Variants in MAP7 observed in about 807,000 individuals in gnomAD.
MAP7 encodes ensconsin.
A neutral mutation model predicts 94.8 loss-of-function variants in MAP7; 52 were observed. The ratio of observed to expected loss-of-function variants is 0.55; its 90% CI spans 0.44 to 0.69. The LOEUF (loss-of-function observed/expected upper bound fraction) is 0.69. Ranked by LOEUF, MAP7 falls within the 30% of genes least tolerant of loss-of-function variation. The pLI is 0.00. For synonymous variants in MAP7, 350 were observed against 357.0 expected, an observed-to-expected ratio of 0.98 and a Z score of 0.22; for missense variants, 940 against 964.6, an observed-to-expected ratio of 0.97 and a Z score of 0.34.
At chr6:136,490,667 A>G (rs1388199013) in intron 1 of MAP7, among the ~76,000 whole-genome samples, 1 of 152,230 alleles carries the variant, frequency 6.6e-6, no homozygotes, top group Non-Finnish European at 1.5e-5. Context: ...AGCACATAGC[A>G]TGATCTTTCA....
At chr6:136,442,405 CA>C (rs549791806) in intron 1 of MAP7, among the ~76,000 whole-genome samples, 2,085 of 90,454 alleles carry the variant, frequency 0.023, 21 homozygotes, top group African/African-American at 0.041. Context: ...ACTCTGTCTC[CA>C]AAAAAAAAAA....
chr6:136,346,154 A>G, intron 16 of MAP7, 75 bp from the exon 17 acceptor site: 1 of 768,604 alleles, frequency 1.3e-6, no homozygotes, highest in East Asian at 2.7e-5. Flanking sequence ...GAAAACCAAA[A>G]TGTTTTATAA....
At chr6:136,373,220 C>T (rs921632079) in intron 7 of MAP7, among the ~76,000 whole-genome samples, 8 of 152,126 alleles carry the variant, frequency 5.3e-5, no homozygotes, top group African/African-American at 1.4e-4. Flanking sequence ...AGACTTGTCA[C>T]GAGGATAAGT....
At chr6:136,405,374 TAGG>T (rs1435263499) in intron 3 of MAP7, among the ~76,000 whole-genome samples, 1 of 152,112 alleles carries the variant, frequency 6.6e-6, no homozygotes, top group Non-Finnish European at 1.5e-5. Flanking sequence ...AGTAAGATGG[TAGG>T]AGAAGGCCTC....
At chr6:136,535,754 T>C (rs1331113203) in intron 1 of MAP7, among the ~76,000 whole-genome samples, 1 of 152,056 alleles carries the variant, frequency 6.6e-6, no homozygotes, top group Non-Finnish European at 1.5e-5. Flanking sequence ...TTTCTTTTTT[T>C]TTTAAATTAT....
chr6:136,413,013 T>C (rs1787980003), intron 2 of MAP7, among the ~76,000 whole-genome samples: 1 of 151,852 alleles, frequency 6.6e-6, no homozygotes, highest in South Asian at 2.1e-4. Context: ...ATACAAAAAA[T>C]TAACCAGGTA....
intron 1 of MAP7, among the ~76,000 whole-genome samples, chr6:136,441,384 A>G (rs1797822521): frequency 6.6e-6 from 1 of 152,234 alleles, no homozygotes; most frequent in South Asian, 2.1e-4. Flanking sequence ...AGGAAATAAT[A>G]GAGCAGAAAA....
chr6:136,501,839 T>C (rs1819918158), intron 1 of MAP7, among the ~76,000 whole-genome samples: 1 of 152,114 alleles, frequency 6.6e-6, no homozygotes, highest in African/African-American at 2.4e-5. Context: ...TTTTCTCTTC[T>C]CCTCTACTCA....
At chr6:136,502,955 T>C (rs9494534) in intron 1 of MAP7, among the ~76,000 whole-genome samples, 11,504 of 152,174 alleles carry the variant, frequency 0.076, 934 homozygotes, top group African/African-American at 0.2. Context: ...AGTCTAAGCT[T>C]CCTCTTGTTA....
intron 1 of MAP7, among the ~76,000 whole-genome samples, chr6:136,474,938 A>G (rs1257439266): frequency 1.3e-5 from 2 of 151,182 alleles, no homozygotes; most frequent in Non-Finnish European, 2.9e-5. Context: ...CTGGTCTTGA[A>G]CTCCTGACCT....
intron 1 of MAP7, among the ~76,000 whole-genome samples, chr6:136,470,133 C>T (rs559534335): frequency 1.2e-4 from 19 of 152,244 alleles, no homozygotes; most frequent in Middle Eastern, 6.8e-3. Context: ...CCATCCTTTC[C>T]GATTCTCTCA....
intron 1 of MAP7, among the ~76,000 whole-genome samples, chr6:136,522,241 A>C (rs1826590995): frequency 6.6e-6 from 1 of 152,204 alleles, no homozygotes; most frequent in African/African-American, 2.4e-5. Flanking sequence ...GAGCATCAGC[A>C]TAAGCCCAGC....
At chr6:136,528,564 A>AC (rs1272734547) in intron 1 of MAP7, among the ~76,000 whole-genome samples, 1 of 152,256 alleles carries the variant, frequency 6.6e-6, no homozygotes, top group Non-Finnish European at 1.5e-5. Context: ...AACAAAAAAA[A>AC]CCCCACATAC....
chr6:136,420,838 C>T (rs1215672244), intron 2 of MAP7, among the ~76,000 whole-genome samples: 1 of 151,850 alleles, frequency 6.6e-6, no homozygotes, highest in Non-Finnish European at 1.5e-5. Flanking sequence ...ATTCACAAAA[C>T]TAAACACACT....
intron 10 of MAP7, chr6:136,365,130 G>A (rs1793929665): frequency 6.6e-6 from 1 of 152,192 alleles, no homozygotes; most frequent in Non-Finnish European, 1.5e-5. Context: ...TATGATTTGA[G>A]ATTTACATTT....
At chr6:136,525,915 T>C in intron 1 of MAP7, 1 of 1,535,810 alleles carries the variant, frequency 6.5e-7, no homozygotes, top group Non-Finnish European at 8.7e-7. Flanking sequence ...TGGCCTTGCA[T>C]TGGTCTTCTT....
chr6:136,365,996 G>A lies in MAP7; in HGVS notation c.1012C>T (p.His338Tyr). The change falls in exon 10 of 18, where the codon CAT becomes TAT. Residue 338 changes from histidine to tyrosine, a missense_variant. Coordinates refer to ENST00000354570, the MANE Select transcript of MAP7 (RefSeq NM_003980.6). ...GTCGGTCTGGGTGTGCCAGGCAAATGAGGAAGAGACTTGGACGGAAGCCTG... is the reference window on the plus strand; with the variant it reads ...GTCGGTCTGGGTGTGCCAGGCAAATAAGGAAGAGACTTGGACGGAAGCCTG... ...RLWLPSKSLP[H>Y]LPGTPRPTSS... 1.2e-6 allele frequency: 2 copies of A among 1,611,498 alleles called. No homozygotes were observed. Among genetic ancestry groups the A allele is most frequent in the South Asian group, 1.1e-5 (1 of 91,016 alleles).
rs1235355908 is a variant in MAP7, at chr6:136,526,040, G to A, written c.67+24302C>T. The stretch of plus-strand genomic sequence containing the variant: ...TATGCTTATGTAATTGCAGCTCCCA[G>A]GAAGCTGCTAGTTCCTAAGCTGCCT... On this transcript the variant is annotated intron_variant, in intron 1 of 17. Coordinates refer to ENST00000354570, the MANE Select transcript of MAP7 (RefSeq NM_003980.6). 5 of 1,451,840 alleles carry A rather than the reference G, an allele frequency of 3.4e-6. No homozygotes were observed. In the African/African-American group the frequency reaches 4.3e-5, roughly 13 times the overall value. 89.9% of individuals were successfully genotyped at this position (1,451,840 alleles called of 1,614,324 possible). A position where few individuals can be genotyped will look rare whatever the true frequency, so the allele number is the denominator to read the frequency against.
At chr6:136,541,651 C>T (rs921450799) in intron 1 of MAP7, among the ~76,000 whole-genome samples, 1 of 152,178 alleles carries the variant, frequency 6.6e-6, no homozygotes, top group Non-Finnish European at 1.5e-5. Context: ...TCCTCCTTGG[C>T]ACTTTCTCAT....
Sources: allele counts gnomAD v4.1 joint callset (sites outside exome capture counted in the v4.1 genomes callset), GRCh38; gene constraint gnomAD v4.1.1; transcripts MANE v1.5; gene names NCBI Gene and HGNC (gene_info 2026-07-23, HGNC 2026-07-21).